Variants in GRIA3 observed in about 807,000 individuals in gnomAD.
The protein encoded by GRIA3 is glutamate receptor 3.
GRIA3 carries 3 observed loss-of-function variants against 63.0 expected under a neutral mutation model. The ratio of observed to expected loss-of-function variants is 0.05; its 90% CI spans 0.02 to 0.12. The LOEUF is 0.12. Among genes scored for constraint, GRIA3 ranks in the 10% least tolerant of loss-of-function variants. The pLI, the probability that GRIA3 is intolerant of heterozygous loss-of-function variation, is 1.00. For missense variants in GRIA3, 347 were observed against 700.9 expected, an observed-to-expected ratio of 0.50 and a Z score of 5.70; for synonymous variants, 274 against 257.9, an observed-to-expected ratio of 1.06 and a Z score of -0.60.
At chrX:123,238,974 G>A (rs747352000) in intron 2 of GRIA3, among the ~76,000 whole-genome samples, 5 of 110,626 alleles carry the variant, frequency 4.5e-5, no homozygotes, top group Non-Finnish European at 9.5e-5. Flanking sequence ...TATATCTCCA[G>A]CATCTGGCAC....
At chrX:123,407,118 A>G (rs750718933) in intron 10 of GRIA3, among the ~76,000 whole-genome samples, 31 of 111,552 alleles carry the variant, frequency 2.8e-4, no homozygotes, top group Non-Finnish European at 5.1e-4. Context: ...TATCATTACT[A>G]TTTCTATTAC....
chrX:123,191,322 G>A (rs1231212125), intron 2 of GRIA3, among the ~76,000 whole-genome samples: 4 of 111,979 alleles, frequency 3.6e-5, no homozygotes, highest in African/African-American at 9.8e-5. Context: ...AACCCCAGGT[G>A]GGGGTGATAG....
At chrX:123,382,830 C>T (rs994268715) in intron 5 of GRIA3, among the ~76,000 whole-genome samples, 1 of 112,128 alleles carries the variant, frequency 8.9e-6, no homozygotes, top group African/African-American at 3.2e-5. Context: ...TCTACATTGC[C>T]ATTTTAACAT....
chrX:123,403,458 A>C lies in GRIA3; in HGVS notation c.1232A>C (p.Gln411Pro). ...GAAAGGTTTGTGCCTTTCTCAGATC[A>C]GCAAATCAGCAATGACAGTGCATCC... ...EYERFVPFSD[Q>P]QISNDSASSE... Residue 411 changes from glutamine to proline, a missense_variant, in exon 9 of 16, where the codon CAG (glutamine) becomes CCG (proline). Physicochemically the swap from Gln to Pro is moderately conservative, Grantham distance 76. Transcript: ENST00000620443. The C allele has an allele frequency of 1.7e-6, 2 of 1,195,425 alleles. No homozygotes were observed. Among genetic ancestry groups the C allele is most frequent in the Non-Finnish European group, 2.3e-6 (2 of 880,524 alleles).
intron 4 of GRIA3, among the ~76,000 whole-genome samples, chrX:123,341,703 C>T (rs1041990825): frequency 2.7e-5 from 3 of 112,422 alleles, no homozygotes; most frequent in Non-Finnish European, 5.6e-5. Flanking sequence ...TACCACCATA[C>T]AGGTATTGTG....
At chrX:123,445,939 T>C (rs1355058254) in intron 12 of GRIA3, among the ~76,000 whole-genome samples, 1 of 112,333 alleles carries the variant, frequency 8.9e-6, no homozygotes, top group African/African-American at 3.2e-5. Context: ...TCCCCTGTTA[T>C]ATAACGGAAG....
At chrX:123,442,215 C>G (rs965906930) in intron 12 of GRIA3, among the ~76,000 whole-genome samples, 1 of 112,276 alleles carries the variant, frequency 8.9e-6, no homozygotes, top group Non-Finnish European at 1.9e-5. Flanking sequence ...TTATCTGGAA[C>G]TGCCCAAAGA....
At chrX:123,305,943 A>G (rs937149417) in intron 3 of GRIA3, among the ~76,000 whole-genome samples, 37 of 111,857 alleles carry the variant, frequency 3.3e-4, no homozygotes, top group African/African-American at 1.2e-3. Context: ...TGGGTTGGGT[A>G]GACTAAATGG....
At chrX:123,486,820 T>C (rs2045944636) in intron 15 of GRIA3, among the ~76,000 whole-genome samples, 2 of 111,992 alleles carry the variant, frequency 1.8e-5, no homozygotes, top group South Asian at 7.5e-4. Flanking sequence ...CATCAAGAGG[T>C]ACCCTGAGAT....
chrX:123,450,873 G>T (rs759180209), intron 12 of GRIA3, among the ~76,000 whole-genome samples: 1 of 112,134 alleles, frequency 8.9e-6, no homozygotes, highest in South Asian at 3.8e-4. Context: ...AAAGGAAGGA[G>T]CAGGCCATGA....
At position 123,395,033 on chromosome X, in the gene GRIA3, T is replaced by G. The variant is rs183698086; in HGVS notation, c.816T>G (p.Ile272Met). Residue 272 changes from isoleucine (I) to methionine (M), a missense_variant, in exon 6 of 16, where the codon ATT becomes ATG. By Grantham distance (10) the Ile-to-Met change is conservative. Coordinates refer to ENST00000620443, the MANE Select transcript of GRIA3 (RefSeq NM_007325.5). ...HGGANITGFQ[I>M]VNNENPMVQQ... ...GAGCCAACATTACAGGTTTCCAGAT[T>G]GTCAACAATGAAAACCCTATGGTTC... 8.4e-7 allele frequency: 1 copy of G among 1,194,747 alleles called. No homozygotes were observed. Among genetic ancestry groups the G allele is most frequent in the East Asian group, 3.0e-5 (1 of 33,725 alleles).
At chrX:123,321,188 G>A (rs1221244114) in intron 3 of GRIA3, among the ~76,000 whole-genome samples, 4 of 111,816 alleles carry the variant, frequency 3.6e-5, no homozygotes, top group African/African-American at 1.3e-4. Flanking sequence ...GAAAAGTATT[G>A]AATTACCCTC....
Position 123,489,082 on chromosome X carries a change from T to TACACACACACACACAC in GRIA3, c.*392_*407dup, listed in dbSNP as rs34745333. ...AGTATATAAACACCATGTTCTTTAA[T>TACACACACACACACAC]ACACACACACACACACACACACACA... On this transcript the variant is annotated 3_prime_UTR_variant, in exon 16 of 16. Transcript: ENST00000620443. 168 of 94,188 alleles carry TACACACACACACACAC rather than the reference T, an allele frequency of 1.8e-3. 1 individual carries two copies. The highest frequency in any genetic ancestry group is 6.2e-3 in the African/African-American group (162 of 26,068). 7.8% of individuals were successfully genotyped at this position (94,188 alleles called of 1,213,427 possible).
At chrX:123,250,613 A>C (rs549549808) in intron 2 of GRIA3, among the ~76,000 whole-genome samples, 30 of 111,578 alleles carry the variant, frequency 2.7e-4, no homozygotes, top group African/African-American at 7.5e-4. Flanking sequence ...TTCTTTTGCC[A>C]GTTGGTATGG....
In GRIA3 at chrX:123,463,413, G is replaced by C. The variant is rs1413252766; in HGVS notation, c.2077-1452G>C. Among the ~76,000 whole-genome samples the C allele has an allele frequency of 1.0e-4, 11 of 106,120 alleles. No individual in the cohort carries two copies. The East Asian group carries it at 3.0e-3, about 28-fold the overall frequency. 92.2% of individuals were successfully genotyped at this position (106,120 alleles called of 115,157 possible). ...AAAATAAACAAAATTAGCTGGGCTT[G>C]GTGGTGCACACTTGTAGTCCCAGGT... On this transcript the variant is annotated intron_variant, in intron 12 of 15. Coordinates refer to ENST00000620443, the MANE Select transcript of GRIA3 (RefSeq NM_007325.5).
chrX:123,426,962 C>T (rs188263577), intron 11 of GRIA3, among the ~76,000 whole-genome samples: 2 of 111,334 alleles, frequency 1.8e-5, no homozygotes, highest in East Asian at 5.7e-4. Context: ...AGGAAGCAAG[C>T]CTTTTGATGC....
chrX:123,345,520 A>G (rs1292209728), intron 4 of GRIA3, among the ~76,000 whole-genome samples: 1 of 108,356 alleles, frequency 9.2e-6, no homozygotes, highest in Non-Finnish European at 1.9e-5. Flanking sequence ...AGGCTACTGT[A>G]GAGTTTGAGT....
At chrX:123,369,660 T>A (rs187652495) in intron 5 of GRIA3, among the ~76,000 whole-genome samples, 1 of 112,796 alleles carries the variant, frequency 8.9e-6, no homozygotes, top group African/African-American at 3.2e-5. Context: ...CAGGCATGTC[T>A]GCCTCTCAGC....
chrX:123,221,893 T>C (rs1569402037), intron 2 of GRIA3, among the ~76,000 whole-genome samples: 1 of 111,574 alleles, frequency 9.0e-6, no homozygotes, highest in African/African-American at 3.3e-5. Flanking sequence ...CCAAATCACA[T>C]TCTCTTTCTC....
Sources: gnomAD v4.1 joint callset for allele counts (sites outside exome capture counted in the v4.1 genomes callset) on GRCh38, gnomAD v4.1.1 for gene constraint, MANE v1.5 for transcripts, NCBI Gene and HGNC (gene_info 2026-07-23, HGNC 2026-07-21) for gene names.